LYZL6: variants seen among roughly 807,000 people sequenced by gnomAD.
LYZL6 encodes the protein lysozyme like 6, also known as lysozyme-like protein 6.
LYZL6 carries 21 observed loss-of-function variants against 15.0 expected under a neutral mutation model. The ratio of observed to expected loss-of-function variants is 1.40; its 90% CI spans 1.00 to 2.02. The LOEUF is 2.02. LYZL6 is among the 30% of genes most tolerant of loss of function. The probability of loss-of-function intolerance (pLI) is 0.00; values close to 1 mark genes in which losing one functional copy is unlikely to be tolerated. For synonymous variants in LYZL6, 72 were observed against 67.8 expected (o/e 1.06, Z -0.31); for missense variants, 173 against 180.5 (o/e 0.96, Z 0.24).
At position 35,937,836 on chromosome 17, in the gene LYZL6, G is replaced by A. The variant is rs1476722032; in HGVS notation, c.220C>T (p.Leu74Phe). The A allele has an allele frequency of 6.2e-7, 1 of 1,614,104 alleles. No individual in the cohort carries two copies. The highest frequency in any genetic ancestry group is 8.5e-7 in the Non-Finnish European group (1 of 1,179,988). The change falls in exon 3 of 5, where the codon CTC becomes TTC. Residue 74 changes from leucine (L) to phenylalanine (F), a missense_variant. Physicochemically the swap from Leu to Phe is conservative, Grantham distance 22 (BLOSUM62 0). Coordinates refer to ENST00000615905, the MANE Select transcript of LYZL6 (RefSeq NM_020426.4). ...ENADGSFDYG[L>F]FQINSHYWCN... ...CAGTAGTGGCTGTTGATCTGGAAGAGGCCATAGTCAAAGCTTCCGTCTGCA... is the reference window on the plus strand; with the variant it reads ...CAGTAGTGGCTGTTGATCTGGAAGAAGCCATAGTCAAAGCTTCCGTCTGCA...
intron 2 of LYZL6, 55 bp downstream of exon 2, chr17:35,939,163 T>C (rs556106277): frequency 6.3e-7 from 1 of 1,577,788 alleles, no homozygotes; most frequent in African/African-American, 1.3e-5. Flanking sequence ...AAGCTGGCCA[T>C]ATAGGACATG....
At chr17:35,937,228 G>A (rs1002858361) in intron 3 of LYZL6, among the ~76,000 whole-genome samples, 1 of 152,242 alleles carries the variant, frequency 6.6e-6, no homozygotes, top group African/African-American at 2.4e-5. Flanking sequence ...GCAGAGGTGA[G>A]GGGCAGAGTC....
chr17:35,941,285 T>C (rs2089422778), intron 1 of LYZL6, among the ~76,000 whole-genome samples: 1 of 152,270 alleles, frequency 6.6e-6, no homozygotes, highest in South Asian at 2.1e-4. Context: ...TATTGGCCAC[T>C]GTATATCTTT....
chr17:35,943,546 C>T (rs1159543830), intron 1 of LYZL6, 21 bp downstream of exon 1: 1 of 152,156 alleles, frequency 6.6e-6, no homozygotes, highest in Non-Finnish European at 1.5e-5. Flanking sequence ...AAGGTATGTT[C>T]CCACCCCTTC....
chr17:35,941,653 C>CATA (rs1163851329), intron 1 of LYZL6, among the ~76,000 whole-genome samples: 1 of 151,894 alleles, frequency 6.6e-6, no homozygotes, highest in African/African-American at 2.4e-5. Context: ...TCCATGAGCC[C>CATA]ATAATAATAA....
At chr17:35,934,886 G>A in intron 4 of LYZL6, 21 bp from the exon 5 acceptor site, 1 of 1,613,292 alleles carries the variant, frequency 6.2e-7, no homozygotes, top group Non-Finnish European at 8.5e-7. Flanking sequence ...AAAAGACATG[G>A]TTCTTGCCTC....
At chr17:35,936,939 A>C in intron 3 of LYZL6, 106 bp from the exon 4 acceptor site, 1 of 944,518 alleles carries the variant, frequency 1.1e-6, no homozygotes, top group South Asian at 1.4e-5. Context: ...AGAGGCTTCC[A>C]GTTGAGGCAA....
At chr17:35,938,012 G>A (rs2089391969) in intron 2 of LYZL6, 96 bp from the exon 3 acceptor site, 5 of 1,273,028 alleles carry the variant, frequency 3.9e-6, no homozygotes, top group Admixed American at 2.1e-5. Context: ...CAGACAAAAG[G>A]AACAAGGCCT....
At chr17:35,937,524 A>G (rs1333743518) in intron 3 of LYZL6, among the ~76,000 whole-genome samples, 1 of 152,224 alleles carries the variant, frequency 6.6e-6, no homozygotes, top group Admixed American at 6.5e-5. Flanking sequence ...CAACTGTTCT[A>G]CTACTACCAG....
At chr17:35,940,187 A>G (rs1236319502) in intron 1 of LYZL6, among the ~76,000 whole-genome samples, 1 of 152,172 alleles carries the variant, frequency 6.6e-6, no homozygotes, top group Non-Finnish European at 1.5e-5. Context: ...GACTTTGGGC[A>G]ACATACTCAA....
chr17:35,934,526 G>A lies in LYZL6; in HGVS notation c.*270C>T, dbSNP rs985576218. 3 of 457,482 alleles carry A rather than the reference G, an allele frequency of 6.6e-6. No individual in the cohort carries two copies. Among genetic ancestry groups the A allele is most frequent in the Admixed American group, 7.4e-5 (2 of 27,106 alleles). 28.3% of individuals were successfully genotyped at this position (457,482 alleles called of 1,614,324 possible). ...AATAAATGGACACAGTCTTTGCAGA[G>A]CGAGTGCTTTAATATTTCGATAAAT... is the stretch of plus-strand genomic sequence containing the variant. On this transcript the variant is annotated 3_prime_UTR_variant, in exon 5 of 5. Transcript: ENST00000615905.
chr17:35,941,380 C>G (rs11080364), intron 1 of LYZL6, among the ~76,000 whole-genome samples: 17,563 of 151,974 alleles, frequency 0.12, 1,121 homozygotes, highest in East Asian at 0.26. Context: ...TTTATATATT[C>G]TGTATACTAG....
chr17:35,940,211 C>T (rs2089414991), intron 1 of LYZL6, among the ~76,000 whole-genome samples: 1 of 152,122 alleles, frequency 6.6e-6, no homozygotes, highest in South Asian at 2.1e-4. Context: ...TTCTGGGCCT[C>T]ATTTGTAAAA....
Position 35,936,799 on chromosome 17 carries a change from G to A in LYZL6, c.333C>T (p.His111=), listed in dbSNP as rs1198947042. ...LLNPNLLAGI[H]CAKRIVSGAR... is the part of the protein sequence containing the mutation. Reference sequence around the variant, plus strand: ...CTCCGGACACAATCCTTTTTGCGCAGTGGATGCCTGCAAGAAGGTTGGGAT... The same window carrying A: ...CTCCGGACACAATCCTTTTTGCGCAATGGATGCCTGCAAGAAGGTTGGGAT... The change falls in exon 4 of 5, where the codon CAC becomes CAT. Residue 111 remains histidine (H), a synonymous_variant. Coordinates refer to ENST00000615905, the MANE Select transcript of LYZL6 (RefSeq NM_020426.4). 1.2e-6 allele frequency: 2 copies of A among 1,613,906 alleles called. No homozygotes were observed. The highest frequency in any genetic ancestry group is 1.7e-6 in the Non-Finnish European group (2 of 1,180,026).
At chr17:35,939,931 T>C (rs1436007018) in intron 1 of LYZL6, among the ~76,000 whole-genome samples, 1 of 152,204 alleles carries the variant, frequency 6.6e-6, no homozygotes, top group Non-Finnish European at 1.5e-5. Context: ...TGTGTGTATC[T>C]GAGCATGTGC....
rs764043901 is a variant in LYZL6 at position 35,939,258 on chromosome 17, C to T, written c.99G>A (p.Leu33=). The change falls in exon 2 of 5, where the codon CTG becomes CTA. Residue 33 remains leucine (L), a synonymous_variant. Coordinates refer to ENST00000615905, the MANE Select transcript of LYZL6 (RefSeq NM_020426.4). The part of the protein sequence containing the change: ...SRCDLAQVLQ[L]EDLDGFEGYS... ...AACCCTCAAACCCATCCAAGTCCTCCAGCTGCAGCACCTGGGCCAAGTCAC... is the reference window on the plus strand; with the variant it reads ...AACCCTCAAACCCATCCAAGTCCTCTAGCTGCAGCACCTGGGCCAAGTCAC... 2.4e-5 allele frequency: 39 copies of T among 1,614,070 alleles called. No homozygotes were observed. The Admixed American group carries it at 2.8e-4, about 12-fold the overall frequency.
chr17:35,937,849 G>C lies in LYZL6; in HGVS notation c.207C>G (p.Ser69Arg). The C allele has an allele frequency of 6.2e-7, 1 of 1,614,128 alleles. No homozygotes were observed. Among genetic ancestry groups the C allele is most frequent in the Non-Finnish European group, 8.5e-7 (1 of 1,180,016 alleles). The change falls in exon 3 of 5, where the codon AGC (serine) becomes AGG (arginine). Residue 69 changes from serine (S) to arginine (R), a missense_variant. By Grantham distance (110) the Ser-to-Arg change is moderately radical. Transcript: ENST00000615905. ...TGATCTGGAAGAGGCCATAGTCAAA[G>C]CTTCCGTCTGCATTTTCATTTATCT... ...ISKINENADG[S>R]FDYGLFQINS... is the part of the protein sequence containing the mutation.
At chr17:35,938,863 C>T (rs528277529) in intron 2 of LYZL6, among the ~76,000 whole-genome samples, 1 of 152,284 alleles carries the variant, frequency 6.6e-6, no homozygotes, top group East Asian at 1.9e-4. Flanking sequence ...TCCCTGACTT[C>T]CCCATCTAAA....
At chr17:35,943,157 C>T (rs1045624515) in intron 1 of LYZL6, among the ~76,000 whole-genome samples, 1 of 152,272 alleles carries the variant, frequency 6.6e-6, no homozygotes, top group Admixed American at 6.5e-5. Flanking sequence ...CTATTAAACT[C>T]CTGCTCCAAA....
Sources: allele counts gnomAD v4.1 joint callset (sites outside exome capture counted in the v4.1 genomes callset), GRCh38; gene constraint gnomAD v4.1.1; transcripts MANE v1.5; gene names NCBI Gene and HGNC (gene_info 2026-07-23, HGNC 2026-07-21).